CSNK2A2IP: variants seen among roughly 807,000 people sequenced by gnomAD.
CSNK2A2IP encodes casein kinase II subunit alpha'-interacting protein.
At chr3:88,353,326 A>G in the CSNK2A2IP span, among the ~76,000 whole-genome samples, 2 of 152,226 alleles carry the variant, frequency 1.3e-5, no homozygotes, top group African/African-American at 2.4e-5. Context: ...TGTGATACTC[A>G]TTAGAGCTAT....
chr3:88,406,622 G>A, the CSNK2A2IP span, among the ~76,000 whole-genome samples: 1 of 152,164 alleles, frequency 6.6e-6, no homozygotes, highest in Non-Finnish European at 1.5e-5. Flanking sequence ...GATTTTTGGC[G>A]ACTGTTACAT....
the CSNK2A2IP span, among the ~76,000 whole-genome samples, chr3:88,459,658 A>G: frequency 2.6e-5 from 4 of 152,166 alleles, no homozygotes; most frequent in African/African-American, 9.6e-5. Context: ...ACTAGCTCAC[A>G]TTTAACTACC....
At chr3:88,366,478 TAA>T in the CSNK2A2IP span, among the ~76,000 whole-genome samples, 3 of 152,176 alleles carry the variant, frequency 2.0e-5, no homozygotes, top group African/African-American at 4.8e-5. Context: ...AACAAATACT[TAA>T]GTTTGATTTG....
At chr3:88,434,690 T>C in the CSNK2A2IP span, among the ~76,000 whole-genome samples, 1 of 152,142 alleles carries the variant, frequency 6.6e-6, no homozygotes, top group Non-Finnish European at 1.5e-5. Flanking sequence ...CCCCACCCAA[T>C]GCTACTTTAA....
chr3:88,355,993 G>T, the CSNK2A2IP span, among the ~76,000 whole-genome samples: 2 of 151,932 alleles, frequency 1.3e-5, no homozygotes, highest in South Asian at 4.2e-4. Context: ...TACGTATGGG[G>T]TACGTGTGAT....
At chr3:88,366,986 A>G in the CSNK2A2IP span, among the ~76,000 whole-genome samples, 1 of 152,030 alleles carries the variant, frequency 6.6e-6, no homozygotes, top group Non-Finnish European at 1.5e-5. Flanking sequence ...ATTCACTACC[A>G]TGAGAAGAGT....
At chr3:88,350,568 A>G in the CSNK2A2IP span, among the ~76,000 whole-genome samples, 1 of 147,048 alleles carries the variant, frequency 6.8e-6, no homozygotes, top group Non-Finnish European at 1.5e-5. Context: ...TGTTGGTCTT[A>G]AGGGAACAAA....
chr3:88,457,656 A>C, the CSNK2A2IP span, among the ~76,000 whole-genome samples: 1 of 151,436 alleles, frequency 6.6e-6, no homozygotes, highest in Non-Finnish European at 1.5e-5. Flanking sequence ...AGATCGTGCT[A>C]TTGCACTCTA....
chr3:88,458,560 C>CATCTCCA, the CSNK2A2IP span, among the ~76,000 whole-genome samples: 1 of 152,046 alleles, frequency 6.6e-6, no homozygotes, highest in Admixed American at 6.6e-5. Context: ...ATCTCATTGG[C>CATCTCCA]TTCTCCTTTA....
At chr3:88,434,264 A>G in the CSNK2A2IP span, among the ~76,000 whole-genome samples, 1 of 152,136 alleles carries the variant, frequency 6.6e-6, no homozygotes, top group Non-Finnish European at 1.5e-5. Context: ...TGGAGCAGAA[A>G]GAAAAAGTAG....
At chr3:88,365,842 T>C in the CSNK2A2IP span, among the ~76,000 whole-genome samples, 10 of 152,272 alleles carry the variant, frequency 6.6e-5, no homozygotes, top group African/African-American at 2.4e-4. Flanking sequence ...GTTGATTTAA[T>C]ATTTATGTGA....
At chr3:88,427,395 A>C in the CSNK2A2IP span, among the ~76,000 whole-genome samples, 36 of 152,222 alleles carry the variant, frequency 2.4e-4, no homozygotes, top group Non-Finnish European at 3.7e-4. Context: ...TTTTCTGAGG[A>C]GAAAGTCAAG....
At chr3:88,396,104 CTTTT>C in the CSNK2A2IP span, among the ~76,000 whole-genome samples, 1 of 115,362 alleles carries the variant, frequency 8.7e-6, no homozygotes. Context: ...CTACCTACTT[CTTTT>C]TTTTTTTTTT....
the CSNK2A2IP span, among the ~76,000 whole-genome samples, chr3:88,348,770 A>T: frequency 6.6e-6 from 1 of 152,066 alleles, no homozygotes; most frequent in East Asian, 1.9e-4. Context: ...GCTGTCAGCT[A>T]CTTAGAGAAT....
the CSNK2A2IP span, among the ~76,000 whole-genome samples, chr3:88,361,555 C>T: frequency 6.6e-6 from 1 of 151,998 alleles, no homozygotes; most frequent in Non-Finnish European, 1.5e-5. Context: ...TTTTCTTTAT[C>T]TTTACCCTTT....
chr3:88,445,275 C>CAAAAAAAAAAAAAAAAAAAAAAAAAAAA, the CSNK2A2IP span, among the ~76,000 whole-genome samples: 2 of 47,770 alleles, frequency 4.2e-5, 1 homozygote. Context: ...GTAAAAATAC[C>CAAAAAAAAAAAAAAAAAAAAAAAAAAAA]AAAAAAAAAA....
At chr3:88,352,547 T>C in the CSNK2A2IP span, among the ~76,000 whole-genome samples, 14 of 152,032 alleles carry the variant, frequency 9.2e-5, no homozygotes, top group Admixed American at 8.5e-4. Flanking sequence ...AAAAGAAATA[T>C]TGAATCTGAA....
chr3:88,419,719 T>C, the CSNK2A2IP span, among the ~76,000 whole-genome samples: 27 of 152,310 alleles, frequency 1.8e-4, no homozygotes, highest in African/African-American at 4.8e-4. Flanking sequence ...ATTAGGCATT[T>C]GGTTCATTAT....
At chr3:88,460,764 A>G in the CSNK2A2IP span, among the ~76,000 whole-genome samples, 1 of 152,182 alleles carries the variant, frequency 6.6e-6, no homozygotes, top group Non-Finnish European at 1.5e-5. Context: ...AAAATTAGGA[A>G]GTATTTTTTG....
Sources: gnomAD v4.1 joint callset for allele counts (sites outside exome capture counted in the v4.1 genomes callset) on GRCh38, gnomAD v4.1.1 for gene constraint, MANE v1.5 for transcripts, NCBI Gene and HGNC (gene_info 2026-07-23, HGNC 2026-07-21) for gene names.